Variants in STK10 observed in about 807,000 individuals in gnomAD.
STK10 encodes the protein serine/threonine-protein kinase 10.
In STK10, 78 loss-of-function variants were observed where a neutral mutation model predicts 113.8. The ratio of observed to expected loss-of-function variants is 0.69; its 90% CI spans 0.57 to 0.83. STK10 has a LOEUF of 0.83. Among genes scored for constraint, STK10 ranks in the 40% least tolerant of loss-of-function variants. The pLI is 0.00. For synonymous variants in STK10, 465 were observed against 494.7 expected (o/e 0.94, Z 0.80); for missense variants, 1,109 against 1,280.1 (o/e 0.87, Z 2.04).
chr5:172,180,957 C>T (rs926458741), intron 1 of STK10, among the ~76,000 whole-genome samples: 1 of 152,176 alleles, frequency 6.6e-6, no homozygotes, highest in African/African-American at 2.4e-5. Flanking sequence ...ATGCTAAGGT[C>T]GTATTTGGTT....
intron 1 of STK10, among the ~76,000 whole-genome samples, chr5:172,181,381 T>C (rs1034043915): frequency 6.6e-6 from 1 of 152,210 alleles, no homozygotes; most frequent in Non-Finnish European, 1.5e-5. Context: ...TACTGCATGA[T>C]TTTGCATAGC....
intron 3 of STK10, among the ~76,000 whole-genome samples, chr5:172,126,152 G>A (rs1434206174): frequency 4.6e-5 from 7 of 152,204 alleles, no homozygotes; most frequent in Non-Finnish European, 1.0e-4. Context: ...CTGCCCTGAA[G>A]GGTAGCATGA....
chr5:172,131,411 C>A lies in STK10; in HGVS notation c.322-3990G>T, dbSNP rs556969957. Among the ~76,000 whole-genome samples the A allele has an allele frequency of 9.8e-5, 15 of 152,306 alleles. No homozygotes were observed. The South Asian group carries it at 2.9e-3, about 29-fold the overall frequency. ...TTCCTGCATCTTTCAGTGAAACTGT[C>A]CCTTACACAACACTCTTATACAACG... On this transcript the variant is annotated intron_variant, in intron 2 of 18. Transcript: ENST00000176763.
intron 4 of STK10, among the ~76,000 whole-genome samples, chr5:172,116,684 A>G (rs899248063): frequency 2.6e-5 from 4 of 151,592 alleles, no homozygotes; most frequent in Admixed American, 6.6e-5. Context: ...CCTGGCCAAC[A>G]TGGTGAAACC....
At chr5:172,049,521 C>T (rs968889547) in intron 18 of STK10, among the ~76,000 whole-genome samples, 5 of 151,466 alleles carry the variant, frequency 3.3e-5, no homozygotes, top group Non-Finnish European at 7.4e-5. Context: ...GCTCAGAGCA[C>T]AAGTCGGGGA....
Position 172,061,467 on chromosome 5 carries a change from A to AT in STK10, c.2083-200dup. On this transcript the variant is annotated intron_variant, in intron 13 of 18. Coordinates refer to ENST00000176763, the MANE Select transcript of STK10 (RefSeq NM_005990.4). ...CATGTGGGCTTCATCTGGATCCTGG[A>AT]TCAAAGAACAGTCTCGGTCTGTCAC... 4.7e-6 allele frequency: 3 copies of AT among 636,448 alleles called. No homozygotes were observed. The South Asian group carries it at 6.5e-5, about 14-fold the overall frequency. The allele number at this position is 636,448 out of a possible 1,614,324, so 39.4% of individuals were successfully genotyped here.
At chr5:172,100,862 C>T (rs1416150818) in intron 7 of STK10, among the ~76,000 whole-genome samples, 1 of 152,200 alleles carries the variant, frequency 6.6e-6, no homozygotes, top group Non-Finnish European at 1.5e-5. Context: ...TTTCAATCCT[C>T]TCTCCCTTCT....
At chr5:172,048,414 T>TACACGCACACAC (rs1767541496) in intron 18 of STK10, among the ~76,000 whole-genome samples, 2 of 128,394 alleles carry the variant, frequency 1.6e-5, no homozygotes, top group Non-Finnish European at 3.2e-5. Context: ...TCCCTCTCCC[T>TACACGCACACAC]ACACACACAC....
intron 3 of STK10, among the ~76,000 whole-genome samples, chr5:172,118,802 C>G (rs1384254669): frequency 6.7e-6 from 1 of 148,892 alleles, no homozygotes; most frequent in Non-Finnish European, 1.5e-5. Context: ...TCGCTTGACC[C>G]CAGGAGGCAG....
intron 15 of STK10, chr5:172,056,984 A>AG (rs1767804192): frequency 9.8e-6 from 1 of 102,072 alleles, no homozygotes; most frequent in South Asian, 2.9e-4. Flanking sequence ...AGAAAGAAAG[A>AG]AAGAAAGAAA....
chr5:172,085,882 C>A (rs574235702), intron 10 of STK10, among the ~76,000 whole-genome samples: 1 of 152,216 alleles, frequency 6.6e-6, no homozygotes, highest in East Asian at 1.9e-4. Flanking sequence ...CATGAGGCCA[C>A]GCTCTGACCC....
chr5:172,056,951 G>GGA (rs1767795103), intron 15 of STK10: 1 of 66,414 alleles, frequency 1.5e-5, no homozygotes, highest in African/African-American at 7.4e-5. Flanking sequence ...AAGAAAGAAA[G>GGA]AAGGAAAGAA....
chr5:172,091,786 C>A (rs543195219), intron 9 of STK10, among the ~76,000 whole-genome samples: 1 of 152,306 alleles, frequency 6.6e-6, no homozygotes, highest in Non-Finnish European at 1.5e-5. Context: ...CCCGCCTTGG[C>A]CTCCCAAAGT....
At chr5:172,153,203 T>C (rs1244136829) in intron 2 of STK10, among the ~76,000 whole-genome samples, 1 of 151,958 alleles carries the variant, frequency 6.6e-6, no homozygotes, top group Non-Finnish European at 1.5e-5. Context: ...AGAGAATCTC[T>C]TGAACACAGG....
intron 9 of STK10, among the ~76,000 whole-genome samples, chr5:172,092,174 G>A (rs1768727123): frequency 2.0e-5 from 3 of 152,310 alleles, no homozygotes; most frequent in Admixed American, 6.5e-5. Context: ...GAGTGAGAGT[G>A]GAGGGGAAGA....
chr5:172,140,447 G>A (rs143241219), intron 2 of STK10, among the ~76,000 whole-genome samples: 127 of 152,224 alleles, frequency 8.3e-4, no homozygotes, highest in African/African-American at 2.8e-3. Flanking sequence ...CTGTAATCCC[G>A]TCACTTTCGG....
At chr5:172,083,191 C>G (rs1308913988) in intron 10 of STK10, 107 bp from the exon 11 acceptor site, 1 of 1,477,018 alleles carries the variant, frequency 6.8e-7, no homozygotes, top group East Asian at 2.3e-5. Context: ...CAAAATCACA[C>G]AAGTCTGGGG....
intron 1 of STK10, among the ~76,000 whole-genome samples, chr5:172,172,288 G>A (rs1016978497): frequency 2.0e-5 from 3 of 152,204 alleles, no homozygotes; most frequent in African/African-American, 4.8e-5. Flanking sequence ...ACTGAGTGAC[G>A]GGACCCTCCT....
At chr5:172,102,237 G>T (rs893625188) in intron 7 of STK10, among the ~76,000 whole-genome samples, 1 of 152,148 alleles carries the variant, frequency 6.6e-6, no homozygotes, top group African/African-American at 2.4e-5. Context: ...GGCACGTACC[G>T]AATGCAGGGA....
Sources: allele counts gnomAD v4.1 joint callset (sites outside exome capture counted in the v4.1 genomes callset), GRCh38; gene constraint gnomAD v4.1.1; transcripts MANE v1.5; gene names NCBI Gene and HGNC (gene_info 2026-07-23, HGNC 2026-07-21).